The following FRMPD4 variants were observed in gnomAD, a reference collection of about 807,000 sequenced individuals.
FRMPD4 encodes the protein FERM and PDZ domain-containing protein 4.
A neutral mutation model predicts 94.1 loss-of-function variants in FRMPD4; 22 were observed. The ratio of observed to expected loss-of-function variants is 0.23; its 90% CI spans 0.17 to 0.33. FRMPD4 has a LOEUF of 0.33. FRMPD4 is among the 10% of genes least tolerant of loss of function. FRMPD4 has a pLI of 1.00. For synonymous variants in FRMPD4, 631 were observed against 548.6 expected, an observed-to-expected ratio of 1.15 and a Z score of -2.10; for missense variants, 1,111 against 1,339.9, an observed-to-expected ratio of 0.83 and a Z score of 2.67.
At chrX:12,069,394 C>T in intron 3 of FRMPD4, among the ~76,000 whole-genome samples, 1 of 111,563 alleles carries the variant, frequency 9.0e-6, no homozygotes, top group Non-Finnish European at 1.9e-5. Flanking sequence ...GGAAATTAGA[C>T]TATAGGCAGC....
chrX:12,344,503 G>A (rs2055669660), intron 1 of FRMPD4, among the ~76,000 whole-genome samples: 1 of 111,548 alleles, frequency 9.0e-6, no homozygotes, highest in Admixed American at 9.6e-5. Context: ...CCCATTTGCA[G>A]TCCTTGTCAA....
chrX:11,911,360 C>G (rs2053996124), intron 3 of FRMPD4, among the ~76,000 whole-genome samples: 1 of 112,047 alleles, frequency 8.9e-6, no homozygotes, highest in Admixed American at 9.5e-5. Flanking sequence ...GGGAAGGTGA[C>G]AGTGGAAAGA....
chrX:12,305,018 G>GA (rs1251668056), intron 1 of FRMPD4, among the ~76,000 whole-genome samples: 1 of 112,149 alleles, frequency 8.9e-6, no homozygotes, highest in Non-Finnish European at 1.9e-5. Context: ...ATGGTTGATA[G>GA]AAAAAATTCT....
At chrX:11,849,306 T>C (rs2053605575) in intron 1 of FRMPD4, among the ~76,000 whole-genome samples, 1 of 111,334 alleles carries the variant, frequency 9.0e-6, no homozygotes, top group Non-Finnish European at 1.9e-5. Flanking sequence ...AAGATACAAA[T>C]AAATGGGAGA....
chrX:11,993,931 A>AT (rs1294059005), intron 3 of FRMPD4, among the ~76,000 whole-genome samples: 10 of 110,628 alleles, frequency 9.0e-5, no homozygotes, highest in Non-Finnish European at 1.1e-4. Flanking sequence ...AGGTTTCCTG[A>AT]TTTTTTTTTC....
chrX:12,019,256 C>T (rs2054620179), intron 3 of FRMPD4, among the ~76,000 whole-genome samples: 2 of 107,883 alleles, frequency 1.9e-5, no homozygotes, highest in Non-Finnish European at 1.9e-5. Flanking sequence ...CTCTGAAAAT[C>T]TTTGTCTCAT....
intron 1 of FRMPD4, among the ~76,000 whole-genome samples, chrX:12,363,183 T>C (rs140198377): frequency 0.014 from 1,593 of 112,352 alleles, 24 homozygotes; most frequent in African/African-American, 0.048. Context: ...GGTAGTTTCT[T>C]TTGCTGTGCA....
intron 1 of FRMPD4, among the ~76,000 whole-genome samples, chrX:12,345,258 G>A (rs974412722): frequency 1.6e-4 from 18 of 110,657 alleles, no homozygotes; most frequent in Admixed American, 2.9e-4. Context: ...GGGTGGGTGC[G>A]TAGACTGTGT....
chrX:11,920,341 A>G lies in FRMPD4; in HGVS notation c.95+42323A>G, dbSNP rs1469326030. On this transcript the variant is annotated intron_variant, in intron 3 of 18. Coordinates refer to the FRMPD4 transcript ENST00000640291. ...CACAGTGGCCCTATTAAATAAATGC[A>G]GTGAACATTTCTTCTTGCCTGCAGG... Among the ~76,000 whole-genome samples, 3 of 112,363 alleles carry G rather than the reference A, an allele frequency of 2.7e-5. No individual in the cohort carries two copies. The East Asian group carries it at 8.4e-4, about 31-fold the overall frequency.
At chrX:12,438,491 T>C (rs12841655) in intron 1 of FRMPD4, among the ~76,000 whole-genome samples, 1 of 110,365 alleles carries the variant, frequency 9.1e-6, no homozygotes, top group African/African-American at 3.3e-5. Context: ...CAAAAGTGGT[T>C]TCTCATTCAT....
At chrX:11,903,116 C>T (rs908233078) in intron 3 of FRMPD4, among the ~76,000 whole-genome samples, 5 of 112,116 alleles carry the variant, frequency 4.5e-5, no homozygotes, top group African/African-American at 1.6e-4. Flanking sequence ...GTTTTGTTCA[C>T]AGTCTTTGAG....
intron 1 of FRMPD4, among the ~76,000 whole-genome samples, chrX:12,226,167 C>G (rs2056920323): frequency 9.0e-6 from 1 of 111,575 alleles, no homozygotes. Flanking sequence ...TCCAGTGGCA[C>G]AAACATGGCT....
chrX:12,454,851 T>G (rs1403651483), intron 1 of FRMPD4, among the ~76,000 whole-genome samples: 1 of 103,125 alleles, frequency 9.7e-6, no homozygotes, highest in African/African-American at 3.5e-5. Flanking sequence ...CCTATTAGAC[T>G]AAACTTCAAG....
chrX:12,385,734 G>A (rs912949457), intron 1 of FRMPD4, among the ~76,000 whole-genome samples: 1 of 112,165 alleles, frequency 8.9e-6, no homozygotes, highest in East Asian at 2.8e-4. Flanking sequence ...TAAAAACAAT[G>A]AAAAAGGAGA....
At chrX:12,595,429 A>T (rs1049740366) in intron 2 of FRMPD4, among the ~76,000 whole-genome samples, 1 of 112,092 alleles carries the variant, frequency 8.9e-6, no homozygotes, top group Non-Finnish European at 1.9e-5. Context: ...AACATATGTC[A>T]TTAAAAAGTC....
intron 1 of FRMPD4, among the ~76,000 whole-genome samples, chrX:11,822,964 G>T (rs756382187): frequency 8.9e-5 from 10 of 111,778 alleles, no homozygotes; most frequent in African/African-American, 3.2e-4. Context: ...GCATAGGAAA[G>T]TTGAAAAGGA....
At chrX:12,592,155 T>C (rs1474753622) in intron 2 of FRMPD4, among the ~76,000 whole-genome samples, 3 of 111,705 alleles carry the variant, frequency 2.7e-5, no homozygotes, top group African/African-American at 9.8e-5. Context: ...GGTCAAGAAG[T>C]ATCTGGACAG....
At chrX:11,883,626 A>G in intron 3 of FRMPD4, among the ~76,000 whole-genome samples, 1 of 112,148 alleles carries the variant, frequency 8.9e-6, no homozygotes, top group Non-Finnish European at 1.9e-5. Context: ...GCTTGAGGAC[A>G]GCCATAAGCA....
At chrX:12,497,651 C>G (rs1292520033) in intron 1 of FRMPD4, among the ~76,000 whole-genome samples, 1 of 110,929 alleles carries the variant, frequency 9.0e-6, no homozygotes, top group Admixed American at 9.6e-5. Flanking sequence ...AACAGAAAAA[C>G]TGTTCCTACA....
Sources: gnomAD v4.1 joint callset for allele counts (sites outside exome capture counted in the v4.1 genomes callset) on GRCh38, gnomAD v4.1.1 for gene constraint, MANE v1.5 for transcripts, NCBI Gene and HGNC (gene_info 2026-07-23, HGNC 2026-07-21) for gene names.